Variants in HSD17B12 observed in about 807,000 individuals in gnomAD.
The protein encoded by HSD17B12 is very-long-chain 3-oxoacyl-CoA reductase.
Under a neutral mutation model 39.3 loss-of-function variants are expected in HSD17B12, and 32 were observed. The ratio of observed to expected loss-of-function variants is 0.81; its 90% CI spans 0.61 to 1.09. The LOEUF (loss-of-function observed/expected upper bound fraction) is 1.09, where lower values mean the gene tolerates loss of function less well. HSD17B12 is among the 50% of genes least tolerant of loss of function. The pLI is 0.00. For synonymous variants in HSD17B12, 150 were observed against 146.7 expected (o/e 1.02, Z -0.16); for missense variants, 342 against 382.9 (o/e 0.89, Z 0.89).
At position 43,798,417 on chromosome 11, in the gene HSD17B12, C is replaced by T. The variant is rs746583602; in HGVS notation, c.381C>T (p.Ile127=). The part of the protein sequence containing the change: ...KIKTGLAGLE[I]GILVNNVGMS... ...AAACAGGCTTGGCTGGTCTTGAAAT[C>T]GGCATCTTAGGTTTGTATTTTTGCC... The change falls in exon 4 of 11, where the codon ATC becomes ATT. Residue 127 remains isoleucine, a synonymous_variant. Coordinates refer to ENST00000278353, the MANE Select transcript of HSD17B12 (RefSeq NM_016142.3). 4.4e-6 allele frequency: 7 copies of T among 1,605,774 alleles called. No homozygotes were observed. Among genetic ancestry groups the T allele is most frequent in the African/African-American group, 1.3e-5 (1 of 74,680 alleles).
chr11:43,680,199 G>T (rs962299851), upstream of HSD17B12, among the ~76,000 whole-genome samples: 9 of 151,334 alleles, frequency 5.9e-5, no homozygotes, highest in East Asian at 1.8e-3. Context: ...TCAGCCTCCC[G>T]AGTAGCTGAG....
chr11:43,775,324 G>T (rs1277871667), intron 3 of HSD17B12, among the ~76,000 whole-genome samples: 1 of 152,160 alleles, frequency 6.6e-6, no homozygotes, highest in Non-Finnish European at 1.5e-5. Context: ...TGTGGTAATT[G>T]TGATGCAGCA....
At chr11:43,700,416 A>G (rs1949953328) in intron 1 of HSD17B12, among the ~76,000 whole-genome samples, 2 of 152,118 alleles carry the variant, frequency 1.3e-5, no homozygotes, top group African/African-American at 2.4e-5. Context: ...TTGTGCTGCT[A>G]TCAAATGGTA....
chr11:43,826,966 A>G (rs941221462), intron 6 of HSD17B12, among the ~76,000 whole-genome samples: 2 of 152,240 alleles, frequency 1.3e-5, no homozygotes, highest in Non-Finnish European at 2.9e-5. Context: ...TAATGATTAC[A>G]GTTGAAAACT....
intron 1 of HSD17B12, among the ~76,000 whole-genome samples, chr11:43,698,941 A>T (rs1455887500): frequency 1.3e-5 from 2 of 152,208 alleles, no homozygotes; most frequent in Non-Finnish European, 2.9e-5. Flanking sequence ...CCTAAAACAG[A>T]TTTTTTAAAG....
chr11:43,576,098 G>A, the HSD17B12 span, among the ~76,000 whole-genome samples: 3 of 152,190 alleles, frequency 2.0e-5, no homozygotes, highest in African/African-American at 4.8e-5. Context: ...CTGATCAATG[G>A]AGACATGCAG....
At chr11:43,681,250 C>T in intron 1 of HSD17B12, 1 of 917,078 alleles carries the variant, frequency 1.1e-6, no homozygotes, top group Non-Finnish European at 1.4e-6. Flanking sequence ...GAGAAAACTG[C>T]CTTAAGTCTC....
chr11:43,730,216 A>C (rs996117365), intron 1 of HSD17B12, among the ~76,000 whole-genome samples: 2 of 152,204 alleles, frequency 1.3e-5, no homozygotes, highest in Non-Finnish European at 2.9e-5. Flanking sequence ...AGCTAGCAGA[A>C]CCAGGACCAG....
intron 4 of HSD17B12, among the ~76,000 whole-genome samples, chr11:43,805,526 A>T (rs936679316): frequency 6.6e-6 from 1 of 152,180 alleles, no homozygotes; most frequent in African/African-American, 2.4e-5. Flanking sequence ...AGTTAGAATT[A>T]TTATCCCCTA....
At chr11:43,815,410 T>A in intron 4 of HSD17B12, 27 bp from the exon 5 acceptor site, 1 of 1,399,594 alleles carries the variant, frequency 7.1e-7, no homozygotes, top group Non-Finnish European at 9.9e-7. Flanking sequence ...CATATGTTAC[T>A]CAGCTAATCA....
At chr11:43,841,608 A>T (rs1951426802) in intron 9 of HSD17B12, among the ~76,000 whole-genome samples, 1 of 152,240 alleles carries the variant, frequency 6.6e-6, no homozygotes, top group Non-Finnish European at 1.5e-5. Flanking sequence ...AACACAAAAT[A>T]TGAGAGAAAG....
Position 43,831,093 on chromosome 11 carries a change from A to G in HSD17B12, c.536+83A>G, listed in dbSNP as rs1027901941. 65 of 1,271,690 alleles carry G rather than the reference A, an allele frequency of 5.1e-5. No homozygotes were observed. The highest frequency in any genetic ancestry group is 6.7e-5 in the Non-Finnish European group (60 of 896,876). The allele number at this position is 1,271,690 out of a possible 1,614,324, so 78.8% of individuals were successfully genotyped here. A position where few individuals can be genotyped will look rare whatever the true frequency, so the allele number is the denominator to read the frequency against. On this transcript the variant is annotated intron_variant, in intron 7 of 10. Transcript: ENST00000278353. The surrounding 1 kb of genome is among the most constrained non-coding windows in gnomAD (Gnocchi z 4.1). ...GGAGAATCCTTGCTTTGAAAAAATC[A>G]CTGAAGTGACTAATGAACCAAGCCT... is the stretch of plus-strand genomic sequence containing the variant.
chr11:43,820,190 C>T (rs1240619876), intron 6 of HSD17B12, among the ~76,000 whole-genome samples: 1 of 152,160 alleles, frequency 6.6e-6, no homozygotes, highest in Non-Finnish European at 1.5e-5. Flanking sequence ...ACCTTGAGTG[C>T]TGTGCTCAAC....
At chr11:43,670,703 C>T in the HSD17B12 span, among the ~76,000 whole-genome samples, 9 of 152,044 alleles carry the variant, frequency 5.9e-5, 1 homozygote, top group South Asian at 4.2e-4. Flanking sequence ...CCAGCCTAGG[C>T]GACATAGCAA....
the HSD17B12 span, among the ~76,000 whole-genome samples, chr11:43,615,391 C>T: frequency 6.6e-6 from 1 of 152,192 alleles, no homozygotes; most frequent in Non-Finnish European, 1.5e-5. Context: ...TGTGCATGCA[C>T]AATTTAGTGT....
intron 6 of HSD17B12, among the ~76,000 whole-genome samples, chr11:43,821,142 C>T (rs1951178773): frequency 1.3e-5 from 2 of 152,138 alleles, no homozygotes; most frequent in African/African-American, 4.8e-5. Flanking sequence ...CCACTTAGTT[C>T]TCCAGTTTCA....
chr11:43,695,517 G>T (rs1489777219), intron 1 of HSD17B12, among the ~76,000 whole-genome samples: 1 of 152,164 alleles, frequency 6.6e-6, no homozygotes, highest in Non-Finnish European at 1.5e-5. Context: ...GGCAGAGGTT[G>T]CAATGAATTG....
At chr11:43,672,310 A>G in the HSD17B12 span, among the ~76,000 whole-genome samples, 1 of 152,022 alleles carries the variant, frequency 6.6e-6, no homozygotes, top group East Asian at 1.9e-4. Context: ...CGGCCTCCCA[A>G]AGTGCTGGGA....
At chr11:43,759,743 T>C (rs1950540371) in intron 3 of HSD17B12, among the ~76,000 whole-genome samples, 1 of 151,996 alleles carries the variant, frequency 6.6e-6, no homozygotes, top group Non-Finnish European at 1.5e-5. Flanking sequence ...TTTTTTCTTT[T>C]TTGAGACAGA....
Sources: allele counts gnomAD v4.1 joint callset (sites outside exome capture counted in the v4.1 genomes callset), GRCh38; gene constraint gnomAD v4.1.1; non-coding constraint Gnocchi (gnomAD v3.1); transcripts MANE v1.5; gene names NCBI Gene and HGNC (gene_info 2026-07-23, HGNC 2026-07-21).